KCNH7: variants seen among roughly 807,000 people sequenced by gnomAD.
The protein encoded by KCNH7 is voltage-gated inwardly rectifying potassium channel KCNH7.
Under a neutral mutation model 120.8 loss-of-function variants are expected in KCNH7, and 49 were observed. The observed-to-expected ratio is 0.41, with a 90% confidence interval of 0.32 to 0.51. KCNH7 has a LOEUF of 0.51. KCNH7 is among the 20% of genes least tolerant of loss of function. The pLI, the probability that KCNH7 is intolerant of heterozygous loss-of-function variation, is 0.38. For synonymous variants in KCNH7, 547 were observed against 516.1 expected (o/e 1.06, Z -0.81); for missense variants, 1,097 against 1,446.6 (o/e 0.76, Z 3.92).
At chr2:162,610,910 A>G (rs1349104076) in intron 2 of KCNH7, among the ~76,000 whole-genome samples, 1 of 152,184 alleles carries the variant, frequency 6.6e-6, no homozygotes, top group African/African-American at 2.4e-5. Flanking sequence ...TTCAGAGAAA[A>G]CACAACTGTT....
intron 2 of KCNH7, among the ~76,000 whole-genome samples, chr2:162,572,115 C>T (rs1693500720): frequency 6.6e-6 from 1 of 151,940 alleles, no homozygotes; most frequent in Admixed American, 6.6e-5. Context: ...AGGCAACCTA[C>T]AAAATGGGAG....
intron 2 of KCNH7, among the ~76,000 whole-genome samples, chr2:162,642,310 T>G (rs1381876343): frequency 6.6e-6 from 1 of 152,220 alleles, no homozygotes; most frequent in Non-Finnish European, 1.5e-5. Context: ...TACATCATTA[T>G]CTTGCCATTT....
intron 2 of KCNH7, among the ~76,000 whole-genome samples, chr2:162,657,643 C>A (rs1684812046): frequency 6.6e-6 from 1 of 152,134 alleles, no homozygotes; most frequent in Non-Finnish European, 1.5e-5. Flanking sequence ...ATGCTATAAA[C>A]AACTGTGTAC....
intron 2 of KCNH7, among the ~76,000 whole-genome samples, chr2:162,757,315 A>G (rs1433038133): frequency 1.3e-5 from 2 of 152,072 alleles, no homozygotes; most frequent in African/African-American, 4.8e-5. Context: ...AGGCTCCCAG[A>G]CAAATCTCCC....
chr2:162,486,812 T>A (rs1195367207), intron 6 of KCNH7, among the ~76,000 whole-genome samples: 6 of 152,278 alleles, frequency 3.9e-5, no homozygotes, highest in African/African-American at 1.4e-4. Flanking sequence ...TAATTAAAAA[T>A]GGGTTCTGTC....
chr2:162,384,788 G>C lies in KCNH7; in HGVS notation c.2862C>G (p.Asp954Glu). ...ATGCTTTCCCTATTCCTGGAGAAGAGTCTACTATTCCTGAGAAGAGCGGCT... is the reference window on the plus strand; with the variant it reads ...ATGCTTTCCCTATTCCTGGAGAAGACTCTACTATTCCTGAGAAGAGCGGCT... ...EQKPLFSGIV[D>E]SSPGIGKASG... The change falls in exon 13 of 16, where the codon GAC becomes GAG. Residue 954 changes from aspartate to glutamate, a missense_variant. By Grantham distance (45) the Asp-to-Glu change is conservative (BLOSUM62 2). Transcript: ENST00000332142. The C allele has an allele frequency of 6.2e-7, 1 of 1,612,872 alleles. No homozygotes were observed. The highest frequency in any genetic ancestry group is 1.7e-4 in the Middle Eastern group (1 of 6,052).
chr2:162,474,432 G>A (rs1027080273), intron 6 of KCNH7, among the ~76,000 whole-genome samples: 1 of 152,176 alleles, frequency 6.6e-6, no homozygotes, highest in African/African-American at 2.4e-5. Context: ...AAAATTGGAG[G>A]TTCTGAAACT....
At chr2:162,524,624 A>G (rs1027094179) in intron 3 of KCNH7, among the ~76,000 whole-genome samples, 1 of 151,990 alleles carries the variant, frequency 6.6e-6, no homozygotes. Context: ...TACAAGCCCG[A>G]CATTAAATTT....
chr2:162,530,433 C>T (rs189260827), intron 3 of KCNH7, among the ~76,000 whole-genome samples: 163 of 152,022 alleles, frequency 1.1e-3, no homozygotes, highest in Non-Finnish European at 1.6e-3. Flanking sequence ...CACTGAAATC[C>T]TACCACTCTG....
At chr2:162,561,145 T>C (rs545891254) in intron 2 of KCNH7, among the ~76,000 whole-genome samples, 46 of 152,272 alleles carry the variant, frequency 3.0e-4, no homozygotes, top group African/African-American at 1.1e-3. Context: ...CTCTGAAATC[T>C]GAAATTTTTG....
At chr2:162,741,257 T>A (rs554380327) in intron 2 of KCNH7, among the ~76,000 whole-genome samples, 3 of 149,016 alleles carry the variant, frequency 2.0e-5, no homozygotes, top group East Asian at 2.0e-4. Flanking sequence ...TTATTAGTTA[T>A]ACATATTAAT....
rs555333664 is a variant in KCNH7 at position 162,530,472 on chromosome 2, G to A, written c.463+6453C>T. On this transcript the variant is annotated intron_variant, in intron 3 of 15. Coordinates refer to ENST00000332142, the MANE Select transcript of KCNH7 (RefSeq NM_033272.4). ...CACGCTAGTGTGCGCGAGCGTGCGC[G>A]CACACACACACACACACACACAATT... 9.7e-3 allele frequency among the ~76,000 whole-genome samples: 1,455 copies of A among 149,754 alleles called. 20 individuals carry two copies. The highest frequency in any genetic ancestry group is 0.033 in the African/African-American group (1,373 of 41,092).
At chr2:162,426,314 A>G (rs1687863393) in intron 8 of KCNH7, among the ~76,000 whole-genome samples, 1 of 150,640 alleles carries the variant, frequency 6.6e-6, no homozygotes, top group East Asian at 1.9e-4. Context: ...TCTTTTTCCT[A>G]TTTTTTAGGA....
At chr2:162,480,494 C>G (rs79377142) in intron 6 of KCNH7, among the ~76,000 whole-genome samples, 55 of 152,278 alleles carry the variant, frequency 3.6e-4, no homozygotes, top group African/African-American at 1.3e-3. Flanking sequence ...TCACCTTCCT[C>G]CTGCATGTTT....
At chr2:162,593,637 GT>G (rs754623881) in intron 2 of KCNH7, among the ~76,000 whole-genome samples, 18 of 151,698 alleles carry the variant, frequency 1.2e-4, no homozygotes, top group Non-Finnish European at 2.2e-4. Flanking sequence ...TTTTATTCAT[GT>G]TTTTTTTCCT....
intron 2 of KCNH7, among the ~76,000 whole-genome samples, chr2:162,667,027 T>C (rs1018777468): frequency 3.8e-4 from 57 of 148,844 alleles, no homozygotes; most frequent in Non-Finnish European, 7.9e-4. Flanking sequence ...TCTTTTTTTT[T>C]TTTTTTTTTG....
intron 9 of KCNH7, among the ~76,000 whole-genome samples, chr2:162,406,847 T>C (rs1022786344): frequency 2.6e-5 from 4 of 152,026 alleles, no homozygotes; most frequent in East Asian, 1.9e-4. Context: ...TTCTAGGTCG[T>C]TTAAGATCAT....
chr2:162,434,018 T>A (rs1688157065), intron 8 of KCNH7, among the ~76,000 whole-genome samples: 1 of 151,800 alleles, frequency 6.6e-6, no homozygotes, highest in South Asian at 2.1e-4. Flanking sequence ...TAAAACGTAG[T>A]ACATATACAA....
At chr2:162,733,809 A>G (rs1002916696) in intron 2 of KCNH7, among the ~76,000 whole-genome samples, 9 of 152,214 alleles carry the variant, frequency 5.9e-5, no homozygotes, top group Non-Finnish European at 8.8e-5. Flanking sequence ...AGTGAATAGA[A>G]CAAGATAGAA....
Sources: allele counts gnomAD v4.1 joint callset (sites outside exome capture counted in the v4.1 genomes callset), GRCh38; gene constraint gnomAD v4.1.1; transcripts MANE v1.5; gene names NCBI Gene and HGNC (gene_info 2026-07-23, HGNC 2026-07-21).